SYNE2: variants seen among roughly 807,000 people sequenced by gnomAD.
SYNE2 encodes the protein spectrin repeat containing nuclear envelope protein 2, also known as nesprin-2.
Under a neutral mutation model 856.3 loss-of-function variants are expected in SYNE2, and 431 were observed. The observed-to-expected ratio is 0.50, with a 90% CI of 0.47 to 0.55. The LOEUF is 0.55. Ranked by LOEUF, SYNE2 falls within the 20% of genes least tolerant of loss-of-function variation. The probability of loss-of-function intolerance (pLI) is 0.00; values close to 1 mark genes in which losing one functional copy is unlikely to be tolerated. For missense variants in SYNE2, 8,129 were observed against 8,023.2 expected, an observed-to-expected ratio of 1.01 and a Z score of -0.50; for synonymous variants, 2,923 against 2,872.3, an observed-to-expected ratio of 1.02 and a Z score of -0.56.
At position 64,052,830 on chromosome 14, in the gene SYNE2, G is replaced by T. The variant is rs754111431; in HGVS notation, c.8917G>T (p.Val2973Leu). The change falls in exon 48 of 116, where the codon GTA (valine) becomes TTA (leucine). Residue 2973 changes from valine (V) to leucine (L), a missense_variant. Val to Leu is a conservative substitution (Grantham distance 32, BLOSUM62 1). Coordinates refer to ENST00000555002, the MANE Select transcript of SYNE2 (RefSeq NM_182914.3). ...CAATGAACTATTACTTAATCAAGAA[G>T]TAAATAAAGGTGTTAAAGAGGAGAT... is the stretch of plus-strand genomic sequence containing the variant. ...QRNELLLNQEVNKGVKEEIYN... is the reference protein window; with the variant it reads ...QRNELLLNQELNKGVKEEIYN... The T allele has an allele frequency of 6.2e-7, 1 of 1,613,186 alleles. No homozygotes were observed. The highest frequency in any genetic ancestry group is 8.5e-7 in the Non-Finnish European group (1 of 1,179,824).
At chr14:64,217,592 C>T (rs542043937) in intron 108 of SYNE2, among the ~76,000 whole-genome samples, 13 of 152,292 alleles carry the variant, frequency 8.5e-5, no homozygotes, top group South Asian at 4.2e-4. Context: ...GGGGAAAGAC[C>T]GCAGTCCCTG....
chr14:63,834,841 A>T (rs1436995252), intron 1 of SYNE2, among the ~76,000 whole-genome samples: 2 of 146,654 alleles, frequency 1.4e-5, no homozygotes, highest in Non-Finnish European at 3.0e-5. Flanking sequence ...GAGTTTCACC[A>T]TGTTGGCCAG....
chr14:63,826,559 C>A (rs1018343829), intron 1 of SYNE2, among the ~76,000 whole-genome samples: 1 of 152,140 alleles, frequency 6.6e-6, no homozygotes, highest in African/African-American at 2.4e-5. Context: ...CTTGGCCTCC[C>A]TAAGTGCTGG....
intron 1 of SYNE2, among the ~76,000 whole-genome samples, chr14:63,764,022 C>G (rs908790263): frequency 9.2e-5 from 14 of 151,968 alleles, no homozygotes; most frequent in Non-Finnish European, 1.3e-4. Context: ...TTTTGTCTTC[C>G]CAAGAAATTT....
intron 108 of SYNE2, 153 bp downstream of exon 108, chr14:64,216,540 TC>T: frequency 1.1e-6 from 1 of 884,318 alleles, no homozygotes; most frequent in Non-Finnish European, 1.8e-6. Flanking sequence ...TGTTGAGCTG[TC>T]CATACTTCAT....
At chr14:64,123,370 A>G (rs542286856) in intron 70 of SYNE2, among the ~76,000 whole-genome samples, 81 of 152,302 alleles carry the variant, frequency 5.3e-4, no homozygotes, top group African/African-American at 1.9e-3. Context: ...CTTCCACCAC[A>G]TACTCACATT....
chr14:63,919,972 G>GTTTTTTTGT (rs542061926), intron 2 of SYNE2, among the ~76,000 whole-genome samples: 3 of 110,620 alleles, frequency 2.7e-5, no homozygotes, highest in African/African-American at 1.1e-4. Context: ...TAAAAGGTAA[G>GTTTTTTTGT]TTTTTTTTTT....
intron 1 of SYNE2, among the ~76,000 whole-genome samples, chr14:63,867,786 G>A (rs1895815822): frequency 6.6e-6 from 1 of 151,944 alleles, no homozygotes; most frequent in Non-Finnish European, 1.5e-5. Flanking sequence ...AGCCAGCCAA[G>A]GTGGTTCATG....
intron 15 of SYNE2, 75 bp downstream of exon 15, chr14:63,980,807 A>C: frequency 8.2e-7 from 1 of 1,224,350 alleles, no homozygotes; most frequent in Non-Finnish European, 1.2e-6. Context: ...TGCTTTCTAT[A>C]TAATGTTTTA....
chr14:64,192,225 C>A (rs1047981833), intron 99 of SYNE2, among the ~76,000 whole-genome samples: 1 of 151,720 alleles, frequency 6.6e-6, no homozygotes, highest in East Asian at 1.9e-4. Flanking sequence ...TCAGTGCATT[C>A]GTTAAGAATA....
intron 68 of SYNE2, among the ~76,000 whole-genome samples, chr14:64,121,693 T>C (rs980646344): frequency 6.6e-6 from 1 of 152,254 alleles, no homozygotes; most frequent in Admixed American, 6.5e-5. Context: ...TTTGCTCCTT[T>C]ATTAACTTAC....
At chr14:63,884,671 T>G (rs1461616644) in intron 1 of SYNE2, among the ~76,000 whole-genome samples, 3 of 152,010 alleles carry the variant, frequency 2.0e-5, no homozygotes, top group Non-Finnish European at 2.9e-5. Flanking sequence ...CCTGGGGCCT[T>G]AAGGAGAGCT....
Position 63,890,618 on chromosome 14 carries a change from G to A in SYNE2, c.-51-18480G>A, listed in dbSNP as rs138641617. Among the ~76,000 whole-genome samples the A allele has an allele frequency of 1.3e-3, 191 of 152,208 alleles. 1 individual carries two copies. The highest frequency in any genetic ancestry group is 2.1e-3 in the South Asian group (10 of 4,810). Reference sequence around the variant, plus strand: ...GTCAGAGAGAAACTTTGCTTCTGAGGCCTTCACTTGGGAGTACAGTTTTTT... The same window carrying A: ...GTCAGAGAGAAACTTTGCTTCTGAGACCTTCACTTGGGAGTACAGTTTTTT... On this transcript the variant is annotated intron_variant, in intron 1 of 115. Transcript: ENST00000555002.
chr14:64,089,437 C>G, intron 58 of SYNE2, 137 bp from the exon 59 acceptor site: 25 of 356,692 alleles, frequency 7.0e-5, no homozygotes, highest in East Asian at 1.5e-4. Context: ...ATCTATAGTG[C>G]TTGGTTAGTT....
chr14:63,954,851 T>G lies in SYNE2; in HGVS notation c.723T>G (p.Asn241Lys), dbSNP rs1291667872. Reference sequence around the variant, plus strand: ...TGAAGCATAGATCCAACAAAGACAATCTGAGAGAGGCCTTCAGAATTGCAG... The same window carrying G: ...TGAAGCATAGATCCAACAAAGACAAGCTGAGAGAGGCCTTCAGAATTGCAG... ...KSVKHRSNKD[N>K]LREAFRIAEQ... Residue 241 changes from asparagine to lysine, a missense_variant, in exon 8 of 116, where the codon AAT (asparagine) becomes AAG (lysine). Physicochemically the swap from Asn to Lys is moderately conservative, Grantham distance 94. Coordinates refer to ENST00000555002, the MANE Select transcript of SYNE2 (RefSeq NM_182914.3). 6.2e-7 allele frequency: 1 copy of G among 1,613,964 alleles called. No individual in the cohort carries two copies. Among genetic ancestry groups the G allele is most frequent in the East Asian group, 2.2e-5 (1 of 44,860 alleles).
intron 87 of SYNE2, among the ~76,000 whole-genome samples, chr14:64,160,509 T>A (rs2098320990): frequency 6.6e-6 from 1 of 152,214 alleles, no homozygotes; most frequent in Non-Finnish European, 1.5e-5. Context: ...TTTGTTTGCT[T>A]TTTGACAGTG....
chr14:64,161,335 C>A (rs2098327915), intron 87 of SYNE2, among the ~76,000 whole-genome samples: 1 of 150,252 alleles, frequency 6.7e-6, no homozygotes, highest in African/African-American at 2.5e-5. Flanking sequence ...CAGAGCAAGA[C>A]CCTGTTTCAG....
At chr14:63,870,188 T>C (rs1181350241) in intron 1 of SYNE2, among the ~76,000 whole-genome samples, 1 of 152,100 alleles carries the variant, frequency 6.6e-6, no homozygotes. Context: ...CACCCTGCCA[T>C]TAACCCTGTG....
Position 64,125,092 on chromosome 14 carries a change from T to C in SYNE2, c.13436T>C (p.Met4479Thr), listed in dbSNP as rs753658735. 5.0e-6 allele frequency: 8 copies of C among 1,614,174 alleles called. No individual in the cohort carries two copies. Among genetic ancestry groups the C allele is most frequent in the Admixed American group, 1.7e-5 (1 of 60,014 alleles). Residue 4479 changes from methionine (M) to threonine (T), a missense_variant, in exon 71 of 116, where the codon ATG becomes ACG. Physicochemically the swap from Met to Thr is moderately conservative, Grantham distance 81. This residue lies in a region of SYNE2 where 5,410 missense variants were observed against 5,284.8 expected (regional missense o/e 1.02). Coordinates refer to ENST00000555002, the MANE Select transcript of SYNE2 (RefSeq NM_182914.3). ...QLVEPQVSTNMGILPSVTMYN... is the reference protein window; with the variant it reads ...QLVEPQVSTNTGILPSVTMYN... ...TTTGTCAAATAGGTTTCCACAAATA[T>C]GGGTATTCTACCCAGCGTGACTATG...
Sources: allele counts gnomAD v4.1 joint callset (sites outside exome capture counted in the v4.1 genomes callset), GRCh38; gene constraint gnomAD v4.1.1; regional missense constraint gnomAD v4.1.1; transcripts MANE v1.5; gene names NCBI Gene and HGNC (gene_info 2026-07-23, HGNC 2026-07-21).